Variants in LARGE1 observed in about 807,000 individuals in gnomAD.
The protein encoded by LARGE1 is xylosyl- and glucuronyltransferase LARGE1.
LARGE1 carries 43 observed loss-of-function variants against 87.6 expected under a neutral mutation model. The observed-to-expected ratio is 0.49, with a 90% CI of 0.38 to 0.63. The LOEUF is 0.63. Ranked by LOEUF, LARGE1 falls within the 30% of genes least tolerant of loss-of-function variation. The pLI, the probability that LARGE1 is intolerant of heterozygous loss-of-function variation, is 0.00. For synonymous variants in LARGE1, 434 were observed against 394.6 expected (o/e 1.10, Z -1.18); for missense variants, 802 against 1,000.2 (o/e 0.80, Z 2.67).
chr22:33,454,616 TAAA>T (rs563852024), intron 6 of LARGE1, among the ~76,000 whole-genome samples: 9 of 111,468 alleles, frequency 8.1e-5, no homozygotes, highest in African/African-American at 1.7e-4. Flanking sequence ...AGACTCTGTC[TAAA>T]AAAAAAAAAA....
At chr22:33,209,076 G>C (rs1924829119) in intron 11 of LARGE1, among the ~76,000 whole-genome samples, 1 of 152,120 alleles carries the variant, frequency 6.6e-6, no homozygotes, top group East Asian at 1.9e-4. Context: ...TAATCACTTG[G>C]GTGTATACCC....
Position 33,337,915 on chromosome 22 carries a change from A to G in LARGE1, c.1132-114T>C, listed in dbSNP as rs774944226. The G allele has an allele frequency of 7.5e-5, 87 of 1,154,410 alleles. 1 individual carries two copies. The Middle Eastern group carries it at 1.0e-3, about 14-fold the overall frequency. 71.5% of individuals were successfully genotyped at this position (1,154,410 alleles called of 1,614,324 possible). On this transcript the variant is annotated intron_variant, in intron 9 of 14. Coordinates refer to ENST00000397394, the MANE Select transcript of LARGE1 (RefSeq NM_133642.5). ...CTAAGCATTATTTGAGGGTCTGCTC[A>G]TTCGCTCATTCAACATTTTGGCAGA...
At chr22:33,372,027 G>C (rs969930234) in intron 9 of LARGE1, among the ~76,000 whole-genome samples, 2 of 151,404 alleles carry the variant, frequency 1.3e-5, no homozygotes, top group Non-Finnish European at 2.9e-5. Flanking sequence ...TGGAATAAAT[G>C]GAATGTGGAA....
At position 33,290,933 on chromosome 22, in the gene LARGE1, G is replaced by A. The variant is rs937821203; in HGVS notation, c.1731-7585C>T. On this transcript the variant is annotated intron_variant, in intron 12 of 14. Coordinates refer to ENST00000397394, the MANE Select transcript of LARGE1 (RefSeq NM_133642.5). ...GCGTGTCTATAATCCCAGCTACTGA[G>A]GAGGCTGAGGCAGGAGAATCGTTTG... Among the ~76,000 whole-genome samples the A allele has an allele frequency of 2.6e-5, 4 of 152,060 alleles. No individual in the cohort carries two copies. In the South Asian group the frequency reaches 8.3e-4, roughly 32 times the overall value.
intron 11 of LARGE1, among the ~76,000 whole-genome samples, chr22:33,264,664 A>G (rs1376782690): frequency 6.6e-6 from 1 of 152,062 alleles, no homozygotes; most frequent in Non-Finnish European, 1.5e-5. Context: ...ATATCAAAAC[A>G]AAACAAAACA....
At chr22:33,638,269 C>T (rs80231) in intron 3 of LARGE1, among the ~76,000 whole-genome samples, 3 of 152,052 alleles carry the variant, frequency 2.0e-5, no homozygotes, top group Admixed American at 6.6e-5. Context: ...ATAGGTGAGA[C>T]GCATCAAGTT....
intron 2 of LARGE1, among the ~76,000 whole-genome samples, chr22:33,741,549 G>A (rs1437352689): frequency 6.6e-6 from 1 of 152,244 alleles, no homozygotes; most frequent in African/African-American, 2.4e-5. Context: ...CTGCAGCCAA[G>A]TGCAGAAATG....
At chr22:33,396,313 CTTAAT>C (rs889925515) in intron 7 of LARGE1, among the ~76,000 whole-genome samples, 1 of 152,206 alleles carries the variant, frequency 6.6e-6, no homozygotes, top group Non-Finnish European at 1.5e-5. Flanking sequence ...TTAAAAACCA[CTTAAT>C]TTAAAATCCC....
intron 6 of LARGE1, among the ~76,000 whole-genome samples, chr22:33,533,277 TGACA>T (rs553301604): frequency 8.1e-4 from 123 of 152,330 alleles, no homozygotes; most frequent in African/African-American, 2.8e-3. Flanking sequence ...AATAGCTGCC[TGACA>T]ATTTTATTAA....
At chr22:33,701,660 C>T (rs998548506) in intron 2 of LARGE1, among the ~76,000 whole-genome samples, 7 of 152,196 alleles carry the variant, frequency 4.6e-5, no homozygotes, top group Admixed American at 1.3e-4. Context: ...AACGGGGACA[C>T]ATCTCAACAG....
chr22:33,104,113 C>T, the LARGE1 span, among the ~76,000 whole-genome samples: 1 of 152,072 alleles, frequency 6.6e-6, no homozygotes, highest in Admixed American at 6.6e-5. Context: ...CCCAGAGTAT[C>T]CAAAAAGAAA....
chr22:33,087,558 A>C, the LARGE1 span, among the ~76,000 whole-genome samples: 1 of 152,258 alleles, frequency 6.6e-6, no homozygotes, highest in East Asian at 1.9e-4. Flanking sequence ...AGTGAGGTAG[A>C]GTTCAATCAA....
At chr22:33,315,692 C>T (rs1361608999) in intron 11 of LARGE1, among the ~76,000 whole-genome samples, 4 of 151,918 alleles carry the variant, frequency 2.6e-5, no homozygotes, top group Admixed American at 6.6e-5. Flanking sequence ...TGCAGTGTCA[C>T]GATCTTGGCT....
chr22:33,372,103 T>C (rs925479502), intron 9 of LARGE1, among the ~76,000 whole-genome samples: 1 of 152,090 alleles, frequency 6.6e-6, no homozygotes, highest in Non-Finnish European at 1.5e-5. Context: ...TTACATTAAA[T>C]AAAAAACACT....
chr22:33,382,149 C>G, intron 8 of LARGE1, 105 bp from the exon 9 acceptor site: 1 of 1,464,716 alleles, frequency 6.8e-7, no homozygotes. Context: ...TCTCTTGAAC[C>G]TCCTGCTCTG....
chr22:33,759,661 A>G (rs866505330), intron 2 of LARGE1, among the ~76,000 whole-genome samples: 45 of 152,246 alleles, frequency 3.0e-4, no homozygotes, highest in African/African-American at 1.1e-3. Flanking sequence ...TTATACCATT[A>G]TTATTATTAC....
the LARGE1 span, among the ~76,000 whole-genome samples, chr22:33,089,314 T>TC: frequency 2.6e-5 from 3 of 115,680 alleles, no homozygotes; most frequent in Non-Finnish European, 5.6e-5. Flanking sequence ...CTTCTTCTTC[T>TC]TTCTTCTTTC....
chr22:33,452,847 G>A (rs1005046818), intron 6 of LARGE1, among the ~76,000 whole-genome samples: 1 of 152,036 alleles, frequency 6.6e-6, no homozygotes, highest in Non-Finnish European at 1.5e-5. Flanking sequence ...CTAATTAATG[G>A]ATACTATAGC....
At chr22:33,296,934 G>A (rs1032632686) in intron 12 of LARGE1, among the ~76,000 whole-genome samples, 4 of 152,212 alleles carry the variant, frequency 2.6e-5, no homozygotes, top group African/African-American at 9.6e-5. Context: ...GTCCTCATTT[G>A]TAAGATGAAT....
Sources: gnomAD v4.1 joint callset for allele counts (sites outside exome capture counted in the v4.1 genomes callset) on GRCh38, gnomAD v4.1.1 for gene constraint, MANE v1.5 for transcripts, NCBI Gene and HGNC (gene_info 2026-07-23, HGNC 2026-07-21) for gene names.